The following CADPS variants were observed in gnomAD, a reference collection of about 807,000 sequenced individuals.
CADPS encodes calcium-dependent secretion activator 1.
A neutral mutation model predicts 167.3 loss-of-function variants in CADPS; 57 were observed. The observed-to-expected ratio is 0.34, with a 90% confidence interval of 0.28 to 0.42. The LOEUF is 0.42. CADPS is among the 20% of genes least tolerant of loss of function. CADPS has a pLI of 1.00. For synonymous variants in CADPS, 676 were observed against 635.3 expected, an observed-to-expected ratio of 1.06 and a Z score of -0.96; for missense variants, 1,414 against 1,738.1, an observed-to-expected ratio of 0.81 and a Z score of 3.32.
intron 1 of CADPS, among the ~76,000 whole-genome samples, chr3:62,815,230 G>C (rs2094558901): frequency 6.6e-6 from 1 of 151,970 alleles, no homozygotes; most frequent in African/African-American, 2.4e-5. Flanking sequence ...GCAGTAGAAT[G>C]GGTGAAATAT....
chr3:62,518,128 T>A (rs764313180), intron 14 of CADPS, 21 bp downstream of exon 14: 1 of 1,554,848 alleles, frequency 6.4e-7, no homozygotes, highest in Admixed American at 1.7e-5. Context: ...TAATTAAAGC[T>A]CTCCAGCCCC....
intron 1 of CADPS, among the ~76,000 whole-genome samples, chr3:62,770,899 A>G (rs973591686): frequency 6.6e-6 from 1 of 152,148 alleles, no homozygotes; most frequent in African/African-American, 2.4e-5. Flanking sequence ...CTGTTTTTGA[A>G]CTTGGTGTCA....
At chr3:62,855,748 C>T (rs185933438) in intron 1 of CADPS, among the ~76,000 whole-genome samples, 1 of 151,990 alleles carries the variant, frequency 6.6e-6, no homozygotes, top group Non-Finnish European at 1.5e-5. Flanking sequence ...TGCATGGGTT[C>T]GCTGATTGAA....
intron 26 of CADPS, among the ~76,000 whole-genome samples, chr3:62,464,663 G>T (rs895687190): frequency 8.5e-5 from 13 of 152,152 alleles, no homozygotes; most frequent in African/African-American, 3.1e-4. Context: ...TTCTGGCACA[G>T]AATCAGGGCC....
At chr3:62,832,499 G>C (rs532293660) in intron 1 of CADPS, among the ~76,000 whole-genome samples, 2 of 152,254 alleles carry the variant, frequency 1.3e-5, no homozygotes, top group Admixed American at 1.3e-4. Context: ...AGCATAAAAC[G>C]TGACCAGGAA....
chr3:62,694,449 C>A (rs1383226735), intron 3 of CADPS, among the ~76,000 whole-genome samples: 1 of 151,952 alleles, frequency 6.6e-6, no homozygotes, highest in African/African-American at 2.4e-5. Context: ...ACCCAGAGAC[C>A]AACACTGAGT....
intron 1 of CADPS, among the ~76,000 whole-genome samples, chr3:62,807,078 G>A (rs1177748173): frequency 5.9e-5 from 9 of 152,142 alleles, no homozygotes; most frequent in Non-Finnish European, 8.8e-5. Context: ...TGCACAAAAC[G>A]GGTCTATCAG....
At chr3:62,491,656 G>A (rs2063758137) in intron 20 of CADPS, among the ~76,000 whole-genome samples, 176 bp from the exon 21 acceptor site, 1 of 151,430 alleles carries the variant, frequency 6.6e-6, no homozygotes, top group Non-Finnish European at 1.5e-5. Context: ...AAGGAAAAAA[G>A]TACATAAAAA....
chr3:62,456,974 GA>G (rs2058761051), intron 26 of CADPS, among the ~76,000 whole-genome samples: 1 of 152,044 alleles, frequency 6.6e-6, no homozygotes, highest in Admixed American at 6.6e-5. Flanking sequence ...CATTGAACCA[GA>G]AAGTCTAGAA....
intron 6 of CADPS, among the ~76,000 whole-genome samples, chr3:62,620,192 G>T (rs1040625298): frequency 6.6e-6 from 1 of 152,088 alleles, no homozygotes; most frequent in African/African-American, 2.4e-5. Flanking sequence ...TGTTGGAATA[G>T]GGATGGCAGG....
chr3:62,551,889 C>T (rs1324853213), intron 10 of CADPS, among the ~76,000 whole-genome samples: 1 of 152,142 alleles, frequency 6.6e-6, no homozygotes, highest in Non-Finnish European at 1.5e-5. Flanking sequence ...CCTTCCCTGA[C>T]CTCCCTTCTT....
intron 4 of CADPS, among the ~76,000 whole-genome samples, chr3:62,661,677 G>A (rs1402992722): frequency 1.3e-5 from 2 of 152,148 alleles, no homozygotes; most frequent in Admixed American, 6.6e-5. Flanking sequence ...GGGCAACTGT[G>A]TGCAGGATGG....
At chr3:62,738,907 C>T (rs2079584916) in intron 3 of CADPS, among the ~76,000 whole-genome samples, 1 of 151,968 alleles carries the variant, frequency 6.6e-6, no homozygotes, top group Non-Finnish European at 1.5e-5. Context: ...ATAAGTTGGG[C>T]ATATATTGGC....
chr3:62,868,686 A>G (rs1463040354), intron 1 of CADPS, among the ~76,000 whole-genome samples: 1 of 152,108 alleles, frequency 6.6e-6, no homozygotes, highest in African/African-American at 2.4e-5. Context: ...GTGAAGATTT[A>G]GAGAGCTGGA....
rs541708239 is a variant in CADPS, at chr3:62,737,896, T to C, written c.888+15545A>G. ...TCTCAAATACCACCATTATCCTCTGTCTCCTCATTCTGATTTGTTTTTCTT... is the reference window on the plus strand; with the variant it reads ...TCTCAAATACCACCATTATCCTCTGCCTCCTCATTCTGATTTGTTTTTCTT... On this transcript the variant is annotated intron_variant, in intron 3 of 29. Coordinates refer to ENST00000383710, the MANE Select transcript of CADPS (RefSeq NM_003716.4). Among the ~76,000 whole-genome samples, 411 of 152,306 alleles carry C rather than the reference T, an allele frequency of 2.7e-3. 3 individuals are homozygous for C. The highest frequency in any genetic ancestry group is 4.8e-3 in the Admixed American group (74 of 15,298).
At chr3:62,615,676 C>G (rs2062156782) in intron 6 of CADPS, among the ~76,000 whole-genome samples, 1 of 152,092 alleles carries the variant, frequency 6.6e-6, no homozygotes, top group Admixed American at 6.6e-5. Context: ...GTGGGAATAT[C>G]AAGTACCCGA....
At chr3:62,449,177 C>T (rs2057676756) in intron 26 of CADPS, among the ~76,000 whole-genome samples, 1 of 152,150 alleles carries the variant, frequency 6.6e-6, no homozygotes, top group African/African-American at 2.4e-5. Flanking sequence ...TATCACACTC[C>T]AGCCAGGAAC....
intron 8 of CADPS, among the ~76,000 whole-genome samples, chr3:62,581,293 G>A (rs1383694554): frequency 1.3e-5 from 2 of 151,984 alleles, no homozygotes; most frequent in East Asian, 3.9e-4. Context: ...ATTTTCTGAT[G>A]CTACCTTCCC....
intron 3 of CADPS, among the ~76,000 whole-genome samples, chr3:62,736,943 C>A (rs6792941): frequency 3.3e-5 from 5 of 151,886 alleles, no homozygotes; most frequent in Non-Finnish European, 7.4e-5. Flanking sequence ...TCAAGAGCAG[C>A]GTGGCCAACA....
Sources: gnomAD v4.1 joint callset for allele counts (sites outside exome capture counted in the v4.1 genomes callset) on GRCh38, gnomAD v4.1.1 for gene constraint, MANE v1.5 for transcripts, NCBI Gene and HGNC (gene_info 2026-07-23, HGNC 2026-07-21) for gene names.